LRRC4C: variants seen among roughly 807,000 people sequenced by gnomAD.
LRRC4C encodes the protein leucine rich repeat containing 4C.
LRRC4C carries 5 observed loss-of-function variants against 33.6 expected under a neutral mutation model. The ratio of observed to expected loss-of-function variants is 0.15; its 90% CI spans 0.08 to 0.31. LRRC4C has a LOEUF of 0.31. LRRC4C is among the 10% of genes least tolerant of loss of function. The pLI, the probability that LRRC4C is intolerant of heterozygous loss-of-function variation, is 1.00. For synonymous variants in LRRC4C, 329 were observed against 302.0 expected, an observed-to-expected ratio of 1.09 and a Z score of -0.93; for missense variants, 560 against 796.7, an observed-to-expected ratio of 0.70 and a Z score of 3.58.
At chr11:40,248,226 C>T (rs1866499917) in intron 4 of LRRC4C, among the ~76,000 whole-genome samples, 1 of 152,092 alleles carries the variant, frequency 6.6e-6, no homozygotes, top group South Asian at 2.1e-4. Context: ...ACCTCTTCAC[C>T]CTCAGTTCTC....
chr11:41,139,898 A>G (rs943493453), intron 1 of LRRC4C, among the ~76,000 whole-genome samples: 44 of 152,124 alleles, frequency 2.9e-4, no homozygotes, highest in South Asian at 4.1e-4. Context: ...AAGGAAGCAT[A>G]GTTTGAATTG....
intron 2 of LRRC4C, among the ~76,000 whole-genome samples, chr11:40,853,456 T>G (rs2135762875): frequency 6.7e-6 from 1 of 148,862 alleles, no homozygotes; most frequent in Non-Finnish European, 1.5e-5. Context: ...AATTTAACTA[T>G]AAATGTATAT....
chr11:41,073,864 G>A (rs1555063963), intron 1 of LRRC4C, among the ~76,000 whole-genome samples: 1 of 152,026 alleles, frequency 6.6e-6, no homozygotes. Context: ...ACATAATAAA[G>A]GGCTTAACAA....
intron 5 of LRRC4C, among the ~76,000 whole-genome samples, chr11:40,165,712 A>T (rs1372958934): frequency 6.6e-6 from 1 of 152,122 alleles, no homozygotes; most frequent in South Asian, 2.1e-4. Flanking sequence ...TTGGGAGGCC[A>T]AGGTGGGTGG....
rs1358136271 is a variant in LRRC4C at position 40,712,673 on chromosome 11, G to A, written c.-406-64395C>T. 2.0e-5 allele frequency among the ~76,000 whole-genome samples: 3 copies of A among 152,052 alleles called. No homozygotes were observed. In the East Asian group the frequency reaches 5.8e-4, roughly 29 times the overall value. On this transcript the variant is annotated intron_variant, in intron 2 of 6. Coordinates refer to ENST00000528697, the MANE Select transcript of LRRC4C (RefSeq NM_001258419.2). ...TTATAGAGAAGGAAGAATAAGCATA[G>A]CAAGGGTAAGATACTGTCTCAGGAC...
At chr11:40,627,924 G>GT (rs1163468112) in intron 3 of LRRC4C, among the ~76,000 whole-genome samples, 2 of 152,182 alleles carry the variant, frequency 1.3e-5, no homozygotes, top group East Asian at 3.9e-4. Flanking sequence ...TCCTATGTTG[G>GT]TTTTTTGGAG....
chr11:40,350,678 T>G (rs2137078194), intron 3 of LRRC4C, among the ~76,000 whole-genome samples: 1 of 152,276 alleles, frequency 6.6e-6, no homozygotes, highest in East Asian at 1.9e-4. Context: ...TAGATTGCTT[T>G]GGAAAGTAAG....
chr11:40,621,911 TGAGAA>T (rs1962494736), intron 3 of LRRC4C, among the ~76,000 whole-genome samples: 1 of 151,828 alleles, frequency 6.6e-6, no homozygotes, highest in African/African-American at 2.4e-5. Context: ...TCAGAAAAAC[TGAGAA>T]GTTAAAGACT....
intron 1 of LRRC4C, among the ~76,000 whole-genome samples, chr11:40,936,064 AT>A (rs1378016079): frequency 0.024 from 2,533 of 103,436 alleles, 228 homozygotes; most frequent in Non-Finnish European, 0.034. Context: ...ATATATATAT[AT>A]AACATAGTTT....
chr11:41,424,904 T>A (rs564773445), intron 1 of LRRC4C, among the ~76,000 whole-genome samples: 56 of 152,156 alleles, frequency 3.7e-4, no homozygotes, highest in African/African-American at 1.3e-3. Flanking sequence ...CTAAAACCAG[T>A]AAATGATGTT....
chr11:40,514,308 T>G (rs1955468735), intron 3 of LRRC4C, among the ~76,000 whole-genome samples: 2 of 152,204 alleles, frequency 1.3e-5, no homozygotes, highest in African/African-American at 4.8e-5. Context: ...CTTAGCACAG[T>G]GCACTACACC....
intron 5 of LRRC4C, among the ~76,000 whole-genome samples, chr11:40,179,282 G>A (rs899033995): frequency 6.6e-6 from 1 of 151,944 alleles, no homozygotes; most frequent in Non-Finnish European, 1.5e-5. Flanking sequence ...GGGATTATAG[G>A]TGCAAGCCAC....
intron 3 of LRRC4C, among the ~76,000 whole-genome samples, chr11:40,409,898 G>A (rs1021486781): frequency 6.6e-6 from 1 of 152,010 alleles, no homozygotes; most frequent in African/African-American, 2.4e-5. Context: ...GCATACATTA[G>A]TTTGATTTAG....
At chr11:40,934,640 A>C (rs1300036931) in intron 1 of LRRC4C, among the ~76,000 whole-genome samples, 1 of 152,086 alleles carries the variant, frequency 6.6e-6, no homozygotes, top group Non-Finnish European at 1.5e-5. Context: ...CAATGGGTCA[A>C]ACTTTCTTAG....
intron 1 of LRRC4C, among the ~76,000 whole-genome samples, chr11:41,424,250 A>G (rs1029412783): frequency 6.6e-6 from 1 of 152,084 alleles, no homozygotes; most frequent in African/African-American, 2.4e-5. Context: ...ATGAAAGAGA[A>G]TCATGGAAGG....
intron 3 of LRRC4C, among the ~76,000 whole-genome samples, chr11:40,366,941 T>C (rs1425860521): frequency 6.6e-6 from 1 of 152,106 alleles, no homozygotes; most frequent in East Asian, 1.9e-4. Flanking sequence ...ACATGGCAAT[T>C]TGAGTTGAGT....
chr11:40,545,866 C>T (rs1956891630), intron 3 of LRRC4C, among the ~76,000 whole-genome samples: 1 of 151,884 alleles, frequency 6.6e-6, no homozygotes, highest in Admixed American at 6.6e-5. Context: ...CTTCATCAGT[C>T]ATTAAAAAAT....
intron 4 of LRRC4C, among the ~76,000 whole-genome samples, chr11:40,281,879 A>G (rs1943499773): frequency 1.3e-5 from 2 of 152,206 alleles, no homozygotes; most frequent in Non-Finnish European, 2.9e-5. Flanking sequence ...CCCCACTCCC[A>G]CACACACACT....
chr11:40,940,563 C>A (rs1204425183), intron 1 of LRRC4C, among the ~76,000 whole-genome samples: 1 of 152,144 alleles, frequency 6.6e-6, no homozygotes, highest in Non-Finnish European at 1.5e-5. Flanking sequence ...TTTTAACCAT[C>A]ATCTTTTACA....
Sources: allele counts gnomAD v4.1 joint callset (sites outside exome capture counted in the v4.1 genomes callset), GRCh38; gene constraint gnomAD v4.1.1; transcripts MANE v1.5; gene names NCBI Gene and HGNC (gene_info 2026-07-23, HGNC 2026-07-21).